SMAD6: variants seen among roughly 807,000 people sequenced by gnomAD.
The protein encoded by SMAD6 is SMAD family member 6, also known as MAD homolog 6.
Under a neutral mutation model 39.4 loss-of-function variants are expected in SMAD6, and 103 were observed. The ratio of observed to expected loss-of-function variants is 2.62; its 90% CI spans 2.23 to 3.08. The LOEUF (loss-of-function observed/expected upper bound fraction) is 3.08, where lower values mean the gene tolerates loss of function less well. Ranked by LOEUF, SMAD6 falls within the 30% of genes most tolerant of loss-of-function variation. The probability of loss-of-function intolerance (pLI) is 0.00; values close to 1 mark genes in which losing one functional copy is unlikely to be tolerated. For synonymous variants in SMAD6, 445 were observed against 353.3 expected (o/e 1.26, Z -2.91); for missense variants, 1,104 against 742.9 (o/e 1.49, Z -5.65).
intron 3 of SMAD6, among the ~76,000 whole-genome samples, chr15:66,759,238 C>A (rs1335006901): frequency 6.6e-6 from 1 of 151,824 alleles, no homozygotes; most frequent in Non-Finnish European, 1.5e-5. Flanking sequence ...ATACCTAAAT[C>A]AAAAATGGAC....
intron 3 of SMAD6, among the ~76,000 whole-genome samples, chr15:66,734,446 G>C (rs1893680370): frequency 6.6e-6 from 1 of 152,232 alleles, no homozygotes; most frequent in South Asian, 2.1e-4. Flanking sequence ...AGAGCAGGGA[G>C]CGGAGGTCGA....
At chr15:66,762,333 C>T (rs1033940504) in intron 3 of SMAD6, among the ~76,000 whole-genome samples, 9 of 152,194 alleles carry the variant, frequency 5.9e-5, no homozygotes, top group African/African-American at 1.9e-4. Flanking sequence ...GCTTAGCAAG[C>T]GGGTGAGAGG....
intron 3 of SMAD6, 78 bp from the exon 4 acceptor site, chr15:66,780,919 C>T: frequency 7.2e-7 from 1 of 1,384,188 alleles, no homozygotes; most frequent in Non-Finnish European, 9.7e-7. Flanking sequence ...GTGCAGACAG[C>T]AGTGCCCACC....
Position 66,781,472 on chromosome 15 carries a change from C to T in SMAD6, c.1428C>T (p.Tyr476=), listed in dbSNP as rs754644678. ...ISFAKGWGPC[Y]SRQFITSCPC... is the part of the protein sequence containing the mutation. ...TCGCCAAGGGCTGGGGGCCCTGCTA[C>T]TCCCGGCAGTTCATCACCTCCTGCC... The change falls in exon 4 of 4, where the codon TAC becomes TAT. Residue 476 remains tyrosine, a synonymous_variant. Transcript: ENST00000288840. 6.2e-7 allele frequency: 1 copy of T among 1,601,264 alleles called. No homozygotes were observed. The highest frequency in any genetic ancestry group is 1.1e-5 in the South Asian group (1 of 90,686).
chr15:66,779,889 G>A (rs1567115454), intron 3 of SMAD6, among the ~76,000 whole-genome samples: 1 of 152,234 alleles, frequency 6.6e-6, no homozygotes. Flanking sequence ...TCAGAGCTGT[G>A]AGCTCAAAGG....
chr15:66,703,278 C>T lies in SMAD6; in HGVS notation c.20C>T (p.Ser7Leu). 3 of 1,485,416 alleles carry T rather than the reference C, an allele frequency of 2.0e-6. No individual in the cohort carries two copies. The highest frequency in any genetic ancestry group is 1.3e-5 in the South Asian group (1 of 77,390). 92.0% of individuals were successfully genotyped at this position (1,485,416 alleles called of 1,614,324 possible). Reference sequence around the variant, plus strand: ...TATCGTATGTTCAGGTCCAAACGCTCGGGGCTGGTGCGGCGACTTTGGCGA... The same window carrying T: ...TATCGTATGTTCAGGTCCAAACGCTTGGGGCTGGTGCGGCGACTTTGGCGA... MFRSKRSGLVRRLWRSR... is the reference protein window; with the variant it reads MFRSKRLGLVRRLWRSR... The change falls in exon 1 of 4, where the codon TCG (serine) becomes TTG (leucine). Residue 7 changes from serine to leucine, a missense_variant. Ser to Leu is a moderately radical substitution (Grantham distance 145, BLOSUM62 -2). Transcript: ENST00000288840.
chr15:66,778,657 G>C (rs1894507684), intron 3 of SMAD6, among the ~76,000 whole-genome samples: 1 of 152,212 alleles, frequency 6.6e-6, no homozygotes, highest in African/African-American at 2.4e-5. Context: ...GGCTTAGGGA[G>C]GTAGAGGGAC....
chr15:66,757,745 C>T (rs959631144), intron 3 of SMAD6, among the ~76,000 whole-genome samples: 5 of 152,202 alleles, frequency 3.3e-5, no homozygotes, highest in African/African-American at 4.8e-5. Flanking sequence ...CTGCCCTGAG[C>T]GCCGCATTCT....
intron 3 of SMAD6, among the ~76,000 whole-genome samples, chr15:66,775,545 G>T (rs748046912): frequency 6.6e-6 from 1 of 152,102 alleles, no homozygotes; most frequent in Admixed American, 6.5e-5. Context: ...CTGGATCAGG[G>T]CCAGGAGGCA....
intron 2 of SMAD6, 51 bp downstream of exon 2, chr15:66,711,775 C>G: frequency 7.1e-7 from 1 of 1,408,784 alleles, no homozygotes; most frequent in Non-Finnish European, 1.0e-6. Flanking sequence ...CGAACTGGGT[C>G]CTCTTCAGCC....
intron 3 of SMAD6, among the ~76,000 whole-genome samples, chr15:66,749,467 C>T (rs112884841): frequency 0.015 from 2,207 of 152,104 alleles, 57 homozygotes; most frequent in African/African-American, 0.051. Context: ...TCAAAAGAAA[C>T]AAACAAACAA....
intron 3 of SMAD6, among the ~76,000 whole-genome samples, chr15:66,755,141 G>A (rs780227263): frequency 2.0e-5 from 3 of 152,182 alleles, no homozygotes; most frequent in Non-Finnish European, 4.4e-5. Flanking sequence ...TTCCAGTGCT[G>A]TCTTTACCCT....
chr15:66,753,477 G>T (rs947225863), intron 3 of SMAD6, among the ~76,000 whole-genome samples: 8 of 152,156 alleles, frequency 5.3e-5, no homozygotes, highest in Non-Finnish European at 1.0e-4. Context: ...GGCTCCCTTG[G>T]GTGGCCTTTT....
intron 3 of SMAD6, among the ~76,000 whole-genome samples, chr15:66,733,902 G>C (rs796731912): frequency 1.8e-4 from 28 of 152,342 alleles, no homozygotes; most frequent in African/African-American, 6.5e-4. Context: ...TTGGAGGAGA[G>C]CCGAGTCCTT....
At chr15:66,708,266 T>G (rs966752182) in intron 1 of SMAD6, 2 of 154,434 alleles carry the variant, frequency 1.3e-5, no homozygotes, top group Non-Finnish European at 2.9e-5. Flanking sequence ...AATAAAACTT[T>G]TAAAAGTACT....
At chr15:66,721,677 G>A (rs1370140064) in intron 3 of SMAD6, among the ~76,000 whole-genome samples, 3 of 152,224 alleles carry the variant, frequency 2.0e-5, no homozygotes, top group Non-Finnish European at 4.4e-5. Context: ...GATGATGCCT[G>A]TGAGTCAGCC....
chr15:66,751,486 G>A (rs74019771), intron 3 of SMAD6, among the ~76,000 whole-genome samples: 10,032 of 152,264 alleles, frequency 0.066, 485 homozygotes, highest in African/African-American at 0.12. Flanking sequence ...GAGGTGGCAC[G>A]CTGGGTGGGT....
chr15:66,703,751 C>G lies in SMAD6; in HGVS notation c.493C>G (p.Leu165Val). 7.2e-7 allele frequency: 1 copy of G among 1,391,446 alleles called. No individual in the cohort carries two copies. The highest frequency in any genetic ancestry group is 9.4e-7 in the Non-Finnish European group (1 of 1,059,764). 86.2% of individuals were successfully genotyped at this position (1,391,446 alleles called of 1,614,324 possible). A position where few individuals can be genotyped will look rare whatever the true frequency, so the allele number is the denominator to read the frequency against. Residue 165 changes from leucine (L) to valine (V), a missense_variant, in exon 1 of 4, where the codon CTG becomes GTG. Coordinates refer to ENST00000288840, the MANE Select transcript of SMAD6 (RefSeq NM_005585.5). ...GCGGAGTCGCGAAGCGCGCTCGCGG[C>G]TGCTGCTGCTGGAGCAGGAACTCAA... ...GGRSREARSR[L>V]LLLEQELKTV...
At chr15:66,730,266 G>A (rs1893604140) in intron 3 of SMAD6, among the ~76,000 whole-genome samples, 1 of 152,166 alleles carries the variant, frequency 6.6e-6, no homozygotes, top group Non-Finnish European at 1.5e-5. Context: ...AGAGGGATTT[G>A]CTGGTTCCTC....
Sources: allele counts gnomAD v4.1 joint callset (sites outside exome capture counted in the v4.1 genomes callset), GRCh38; gene constraint gnomAD v4.1.1; transcripts MANE v1.5; gene names NCBI Gene and HGNC (gene_info 2026-07-23, HGNC 2026-07-21).